The following TMOD1 variants were observed in gnomAD, a reference collection of about 807,000 sequenced individuals.
TMOD1 encodes the protein tropomodulin-1.
A neutral mutation model predicts 40.6 loss-of-function variants in TMOD1; 17 were observed. The observed-to-expected ratio is 0.42, with a 90% CI of 0.29 to 0.63. TMOD1 has a LOEUF of 0.63. TMOD1 is among the 20% of genes least tolerant of loss of function. TMOD1 has a pLI of 0.22. For synonymous variants in TMOD1, 181 were observed against 175.0 expected, an observed-to-expected ratio of 1.03 and a Z score of -0.27; for missense variants, 391 against 447.6, an observed-to-expected ratio of 0.87 and a Z score of 1.14.
At position 97,502,125 on chromosome 9, in the gene TMOD1, C is replaced by T. The variant is rs892313879; in HGVS notation, c.-49+322C>T. Among the ~76,000 whole-genome samples the T allele has an allele frequency of 6.6e-6, 1 of 152,000 alleles. No individual in the cohort carries two copies. The highest frequency in any genetic ancestry group is 1.5e-5 in the Non-Finnish European group (1 of 67,956). On this transcript the variant is annotated intron_variant, in intron 1 of 9. Coordinates refer to ENST00000259365, the MANE Select transcript of TMOD1 (RefSeq NM_003275.4). This position sits in a 1 kb window ranked among gnomAD's most constrained non-coding sequence, Gnocchi z 6.1. Reference sequence around the variant, plus strand: ...CGGGGTTCTGGAGGAGACGGCGCCCCGGGCTGGGGTCCTGGCGGAGGGGCG... The same window carrying T: ...CGGGGTTCTGGAGGAGACGGCGCCCTGGGCTGGGGTCCTGGCGGAGGGGCG...
At chr9:97,538,694 T>C (rs1830226574) in intron 2 of TMOD1, among the ~76,000 whole-genome samples, 1 of 152,292 alleles carries the variant, frequency 6.6e-6, no homozygotes, top group Non-Finnish European at 1.5e-5. Flanking sequence ...AATAACTATG[T>C]GTAATTAAGA....
At position 97,599,847 on chromosome 9, in the gene TMOD1, G is replaced by A. The variant is rs898951003; in HGVS notation, c.*149G>A. The A allele has an allele frequency of 2.7e-5, 38 of 1,428,352 alleles. No homozygotes were observed. The South Asian group carries it at 2.7e-4, about 10-fold the overall frequency. 88.5% of individuals were successfully genotyped at this position (1,428,352 alleles called of 1,614,324 possible). A position where few individuals can be genotyped will look rare whatever the true frequency, so the allele number is the denominator to read the frequency against. ...GCACTAAGGTTTTAGGTTGACTAGTGGTTGTAGTTGAAAATTTTATAAAAT... is the reference window on the plus strand; with the variant it reads ...GCACTAAGGTTTTAGGTTGACTAGTAGTTGTAGTTGAAAATTTTATAAAAT... On this transcript the variant is annotated 3_prime_UTR_variant, in exon 10 of 10. Transcript: ENST00000259365.
chr9:97,518,178 G>A (rs950801280), intron 1 of TMOD1, among the ~76,000 whole-genome samples: 20 of 152,194 alleles, frequency 1.3e-4, no homozygotes, highest in African/African-American at 4.8e-4. Context: ...TGTGACCTGT[G>A]AATGTGATAA....
At chr9:97,537,840 T>C (rs1357445294) in intron 2 of TMOD1, among the ~76,000 whole-genome samples, 1 of 152,192 alleles carries the variant, frequency 6.6e-6, no homozygotes, top group East Asian at 1.9e-4. Flanking sequence ...CAGTAAATAT[T>C]TGAGAAATAA....
chr9:97,524,736 C>T (rs370125944), intron 2 of TMOD1, among the ~76,000 whole-genome samples: 5 of 152,120 alleles, frequency 3.3e-5, no homozygotes, highest in South Asian at 4.1e-4. Flanking sequence ...AGTTTGAATC[C>T]GAAGGCAGAA....
At chr9:97,587,012 G>A (rs1223941384) in intron 8 of TMOD1, among the ~76,000 whole-genome samples, 2 of 152,322 alleles carry the variant, frequency 1.3e-5, no homozygotes, top group East Asian at 1.9e-4. Flanking sequence ...GTTCCTATTC[G>A]GCCATCTTGG....
At chr9:97,586,440 G>A (rs1164449860) in intron 8 of TMOD1, among the ~76,000 whole-genome samples, 2 of 151,696 alleles carry the variant, frequency 1.3e-5, no homozygotes, top group Non-Finnish European at 3.0e-5. Context: ...AGTCTGCAGA[G>A]GTTACTGCTG....
chr9:97,550,938 C>T (rs186777345), intron 3 of TMOD1, among the ~76,000 whole-genome samples: 84 of 149,130 alleles, frequency 5.6e-4, no homozygotes, highest in African/African-American at 2.0e-3. Context: ...TCTAGGACTC[C>T]ACTGCCAATT....
At chr9:97,520,282 A>G (rs565813841) in intron 1 of TMOD1, among the ~76,000 whole-genome samples, 2 of 152,202 alleles carry the variant, frequency 1.3e-5, no homozygotes, top group South Asian at 2.1e-4. Context: ...CTCCAACCAC[A>G]AGTCCTATGA....
rs202030181 is a variant in TMOD1, at chr9:97,531,033, A to ACCCCCCCCCCCCCCC, written c.120+6728_120+6729insCCCCCCCCCCCCCCC. On this transcript the variant is annotated intron_variant, in intron 2 of 9. Coordinates refer to ENST00000259365, the MANE Select transcript of TMOD1 (RefSeq NM_003275.4). Reference sequence around the variant, plus strand: ...GAACTCCTGACCTTAGGTGATCCACACCCACCCCCCCCACCACCCCTTGGC... The same window carrying ACCCCCCCCCCCCCCC: ...GAACTCCTGACCTTAGGTGATCCACACCCCCCCCCCCCCCCCCCACCCCCCCCACCACCCCTTGGC... Among the ~76,000 whole-genome samples the ACCCCCCCCCCCCCCC allele has an allele frequency of 3.7e-4, 29 of 78,254 alleles. 5 individuals carry two copies. Among genetic ancestry groups the ACCCCCCCCCCCCCCC allele is most frequent in the South Asian group, 9.2e-4 (2 of 2,182 alleles). 51.3% of individuals were successfully genotyped at this position (78,254 alleles called of 152,430 possible).
At chr9:97,547,141 G>T (rs904278728) in intron 3 of TMOD1, among the ~76,000 whole-genome samples, 1 of 152,082 alleles carries the variant, frequency 6.6e-6, no homozygotes, top group Non-Finnish European at 1.5e-5. Flanking sequence ...CATCTTGAAG[G>T]CCCCAGGAAA....
intron 9 of TMOD1, among the ~76,000 whole-genome samples, chr9:97,595,499 A>T (rs1047763690): frequency 6.9e-6 from 1 of 144,840 alleles, no homozygotes; most frequent in African/African-American, 2.6e-5. Context: ...ATGTTCTCCA[A>T]TTCCACTCAT....
chr9:97,527,301 G>A (rs1252455259), intron 2 of TMOD1, among the ~76,000 whole-genome samples: 2 of 152,216 alleles, frequency 1.3e-5, no homozygotes, highest in African/African-American at 4.8e-5. Context: ...AATGTGACTC[G>A]GTTACCTGCC....
intron 8 of TMOD1, among the ~76,000 whole-genome samples, chr9:97,583,980 G>T (rs894179993): frequency 2.5e-4 from 38 of 151,650 alleles, no homozygotes; most frequent in Non-Finnish European, 4.7e-4. Context: ...TTTTTGAAGG[G>T]TTTTTTTTGT....
intron 9 of TMOD1, among the ~76,000 whole-genome samples, chr9:97,598,056 G>A (rs978149752): frequency 3.3e-5 from 5 of 152,076 alleles, no homozygotes; most frequent in Non-Finnish European, 7.4e-5. Context: ...AGCTGGGTGC[G>A]GTGGCTCATG....
intron 3 of TMOD1, among the ~76,000 whole-genome samples, chr9:97,549,597 T>C (rs927905907): frequency 1.3e-5 from 2 of 152,144 alleles, no homozygotes; most frequent in Admixed American, 1.3e-4. Context: ...TATGATACAT[T>C]TTTTTCCCCA....
rs548569437 is a variant in TMOD1, at chr9:97,569,270, GAC to G, written c.870+238_870+239del. ...TGATTGAGTCCCTCTCATGATGGGG[GAC>G]ACACTCCTTACCAACATCATCACTT... On this transcript the variant is annotated intron_variant, in intron 8 of 9. Transcript: ENST00000259365. 5.3e-5 allele frequency among the ~76,000 whole-genome samples: 8 copies of G among 152,254 alleles called. No individual in the cohort carries two copies. In the East Asian group the frequency reaches 1.5e-3, roughly 29 times the overall value.
At position 97,555,616 on chromosome 9, in the gene TMOD1, G is replaced by A. The variant is rs370203447; in HGVS notation, c.397+2216G>A. 79 of 1,550,692 alleles carry A rather than the reference G, an allele frequency of 5.1e-5. 1 individual carries two copies. The African/African-American group carries it at 7.9e-4, about 16-fold the overall frequency. On this transcript the variant is annotated intron_variant, in intron 4 of 9. Transcript: ENST00000259365. ...CAGTGTTAACTGGCTAACCTTGGAT[G>A]CCTGTCATTTGATGTTGGACATTTG...
At chr9:97,523,566 C>T (rs778086193) in intron 1 of TMOD1, among the ~76,000 whole-genome samples, 29 of 152,128 alleles carry the variant, frequency 1.9e-4, no homozygotes, top group Non-Finnish European at 3.7e-4. Flanking sequence ...AATGGTAATA[C>T]CTACCTCACA....
Sources: gnomAD v4.1 joint callset for allele counts (sites outside exome capture counted in the v4.1 genomes callset) on GRCh38, gnomAD v4.1.1 for gene constraint, Gnocchi (gnomAD v3.1) non-coding constraint, MANE v1.5 for transcripts, NCBI Gene and HGNC (gene_info 2026-07-23, HGNC 2026-07-21) for gene names.